SGCZ: variants seen among roughly 807,000 people sequenced by gnomAD.
The protein encoded by SGCZ is zeta-sarcoglycan.
A neutral mutation model predicts 41.3 loss-of-function variants in SGCZ; 40 were observed. The observed-to-expected ratio is 0.97, with a 90% CI of 0.75 to 1.26. The LOEUF (loss-of-function observed/expected upper bound fraction) is 1.26. SGCZ is among the 50% of genes most tolerant of loss of function. The pLI is 0.00. For missense variants in SGCZ, 552 were observed against 369.8 expected (o/e 1.49, Z -4.04); for synonymous variants, 206 against 137.5 (o/e 1.50, Z -3.49).
At chr8:14,422,084 C>T (rs1391933363) in intron 2 of SGCZ, among the ~76,000 whole-genome samples, 1 of 151,974 alleles carries the variant, frequency 6.6e-6, no homozygotes, top group East Asian at 1.9e-4. Flanking sequence ...AATGCAAAGT[C>T]TTAACAAATG....
At chr8:14,675,235 C>A (rs542385773) in intron 1 of SGCZ, among the ~76,000 whole-genome samples, 1 of 151,676 alleles carries the variant, frequency 6.6e-6, no homozygotes, top group Non-Finnish European at 1.5e-5. Flanking sequence ...CCACCGCACC[C>A]GGCCAAACCT....
At chr8:14,435,380 A>G (rs1381155157) in intron 2 of SGCZ, among the ~76,000 whole-genome samples, 1 of 152,150 alleles carries the variant, frequency 6.6e-6, no homozygotes, top group Non-Finnish European at 1.5e-5. Context: ...TTGATCTCCC[A>G]AGCACTTGTG....
chr8:14,945,522 A>G (rs1800414517), intron 1 of SGCZ, among the ~76,000 whole-genome samples: 1 of 152,110 alleles, frequency 6.6e-6, no homozygotes, highest in Non-Finnish European at 1.5e-5. Flanking sequence ...CAAGACTACT[A>G]TGGTGCTTAA....
intron 3 of SGCZ, among the ~76,000 whole-genome samples, chr8:14,261,107 A>AC (rs1563219403): frequency 6.6e-6 from 1 of 151,908 alleles, no homozygotes; most frequent in Non-Finnish European, 1.5e-5. Context: ...TAAAATAAAA[A>AC]AAAAGAAAAC....
At chr8:14,797,490 A>G (rs1354307665) in intron 1 of SGCZ, among the ~76,000 whole-genome samples, 1 of 152,250 alleles carries the variant, frequency 6.6e-6, no homozygotes, top group African/African-American at 2.4e-5. Context: ...ATCTGGCAGA[A>G]GAAATCTCTA....
In SGCZ at chr8:15,217,994, G is replaced by A. The variant is rs894474025; in HGVS notation, c.39+19591C>T. Reference sequence around the variant, plus strand: ...CCAGCTGCTGGGGAGGCCGAGGTAGGAGAATTACTTCACCCTGGGAGGCGG... The same window carrying A: ...CCAGCTGCTGGGGAGGCCGAGGTAGAAGAATTACTTCACCCTGGGAGGCGG... On this transcript the variant is annotated intron_variant, in intron 1 of 7. Transcript: ENST00000382080. 3.3e-5 allele frequency among the ~76,000 whole-genome samples: 5 copies of A among 152,100 alleles called. 1 individual carries two copies. The highest frequency in any genetic ancestry group is 2.0e-4 in the Admixed American group (3 of 15,280).
intron 5 of SGCZ, among the ~76,000 whole-genome samples, chr8:14,135,827 C>T (rs990043004): frequency 6.6e-6 from 1 of 151,958 alleles, no homozygotes; most frequent in Non-Finnish European, 1.5e-5. Flanking sequence ...TGGTAGTACC[C>T]TGATACCAAA....
In SGCZ at chr8:14,998,654, T is replaced by C. The variant is rs756121529; in HGVS notation, c.39+238931A>G. ...GCAAAAGCAAGAAGAGGAATTTTACTAGGTATAAATGTCTCCTTGAAGTCA... is the reference window on the plus strand; with the variant it reads ...GCAAAAGCAAGAAGAGGAATTTTACCAGGTATAAATGTCTCCTTGAAGTCA... On this transcript the variant is annotated intron_variant, in intron 1 of 7. Transcript: ENST00000382080. Among the ~76,000 whole-genome samples the C allele has an allele frequency of 5.3e-5, 8 of 152,230 alleles. No homozygotes were observed. The East Asian group carries it at 1.3e-3, about 26-fold the overall frequency.
chr8:15,165,328 G>A (rs1799633352), intron 1 of SGCZ, among the ~76,000 whole-genome samples: 1 of 151,850 alleles, frequency 6.6e-6, no homozygotes, highest in Admixed American at 6.6e-5. Context: ...AATTTGGCCT[G>A]AAGAAAAAAG....
At chr8:14,816,790 T>G (rs1801914669) in intron 1 of SGCZ, among the ~76,000 whole-genome samples, 1 of 152,224 alleles carries the variant, frequency 6.6e-6, no homozygotes, top group African/African-American at 2.4e-5. Context: ...ATGAACTAAC[T>G]TAATTAAATT....
intron 1 of SGCZ, among the ~76,000 whole-genome samples, chr8:15,033,841 G>A (rs1320440232): frequency 6.6e-6 from 1 of 151,996 alleles, no homozygotes; most frequent in Non-Finnish European, 1.5e-5. Context: ...GTGGATTCAG[G>A]CACCGTACTC....
chr8:14,925,594 A>G (rs1171744241), intron 1 of SGCZ, among the ~76,000 whole-genome samples: 2 of 152,210 alleles, frequency 1.3e-5, no homozygotes, highest in Non-Finnish European at 2.9e-5. Flanking sequence ...TTGAAAAGAC[A>G]TTAAGTGTAA....
At chr8:14,998,905 T>G (rs1417008778) in intron 1 of SGCZ, among the ~76,000 whole-genome samples, 1 of 152,226 alleles carries the variant, frequency 6.6e-6, no homozygotes, top group Non-Finnish European at 1.5e-5. Flanking sequence ...AGGATCACTA[T>G]AGAACTAAAA....
At chr8:14,419,847 A>C (rs1563317350) in intron 2 of SGCZ, among the ~76,000 whole-genome samples, 1 of 152,018 alleles carries the variant, frequency 6.6e-6, no homozygotes, top group African/African-American at 2.4e-5. Context: ...GAATTTGCTG[A>C]CTTGAAAGTC....
intron 1 of SGCZ, among the ~76,000 whole-genome samples, chr8:15,116,952 G>C (rs1286065994): frequency 1.3e-5 from 2 of 152,174 alleles, no homozygotes; most frequent in Non-Finnish European, 2.9e-5. Flanking sequence ...ATAGTTCTAA[G>C]ATAGACATTT....
chr8:15,180,280 A>C (rs1312155931), intron 1 of SGCZ, among the ~76,000 whole-genome samples: 2 of 152,186 alleles, frequency 1.3e-5, no homozygotes, highest in Non-Finnish European at 2.9e-5. Context: ...TTCTACATAG[A>C]CAGATGAATA....
At chr8:14,260,341 AAAC>A (rs1563218913) in intron 3 of SGCZ, among the ~76,000 whole-genome samples, 1 of 150,728 alleles carries the variant, frequency 6.6e-6, no homozygotes, top group African/African-American at 2.4e-5. Flanking sequence ...AAAACACATG[AAAC>A]AATGCTCATC....
intron 4 of SGCZ, among the ~76,000 whole-genome samples, chr8:14,182,091 A>AT (rs1309023359): frequency 3.9e-5 from 6 of 152,196 alleles, no homozygotes; most frequent in African/African-American, 1.4e-4. Context: ...GCCTGTACGC[A>AT]TAAGCCATGG....
At chr8:14,541,696 G>C (rs1158609949) in intron 2 of SGCZ, among the ~76,000 whole-genome samples, 5 of 152,032 alleles carry the variant, frequency 3.3e-5, no homozygotes, top group Non-Finnish European at 7.4e-5. Context: ...AGATCCTTGA[G>C]GAATTGCCAC....
Sources: allele counts gnomAD v4.1 joint callset (sites outside exome capture counted in the v4.1 genomes callset), GRCh38; gene constraint gnomAD v4.1.1; transcripts MANE v1.5; gene names NCBI Gene and HGNC (gene_info 2026-07-23, HGNC 2026-07-21).